The following XXYLT1 variants were observed in gnomAD, a reference collection of about 807,000 sequenced individuals.
The protein encoded by XXYLT1 is UDP-xylose:alpha-xyloside alpha-1,3-xylosyltransferase.
A neutral mutation model predicts 28.9 loss-of-function variants in XXYLT1; 20 were observed. That is an observed-to-expected ratio of 0.69 (90% CI 0.49 to 1.00). The LOEUF (loss-of-function observed/expected upper bound fraction) is 1.00. XXYLT1 is among the 50% of genes least tolerant of loss of function. XXYLT1 has a pLI of 0.00. For missense variants in XXYLT1, 542 were observed against 560.1 expected (o/e 0.97, Z 0.33); for synonymous variants, 257 against 253.8 (o/e 1.01, Z -0.12).
At chr3:195,230,544 C>CTTTGA (rs148413331) in intron 1 of XXYLT1, among the ~76,000 whole-genome samples, 9,415 of 151,948 alleles carry the variant, frequency 0.062, 988 homozygotes, top group African/African-American at 0.21. Context: ...CTTTAATCCA[C>CTTTGA]TTTGTTTTTT....
intron 1 of XXYLT1, among the ~76,000 whole-genome samples, chr3:195,260,292 A>G (rs1206714201): frequency 2.6e-5 from 4 of 151,572 alleles, no homozygotes; most frequent in Non-Finnish European, 4.4e-5. Flanking sequence ...AGGAGGGGCC[A>G]GCCCCGCCCA....
At chr3:195,208,313 C>G (rs1301443242) in intron 2 of XXYLT1, among the ~76,000 whole-genome samples, 1 of 152,110 alleles carries the variant, frequency 6.6e-6, no homozygotes, top group African/African-American at 2.4e-5. Context: ...TTCCCCTCCC[C>G]TCCTGTGCCT....
chr3:195,245,813 C>T (rs1052984725), intron 1 of XXYLT1, among the ~76,000 whole-genome samples: 1 of 152,146 alleles, frequency 6.6e-6, no homozygotes, highest in African/African-American at 2.4e-5. Context: ...GTGGCACCTC[C>T]ACCCGCCTCC....
At position 195,173,812 on chromosome 3, in the gene XXYLT1, G is replaced by A. The variant is rs924527121; in HGVS notation, c.653-17231C>T. Among the ~76,000 whole-genome samples, 4 of 152,192 alleles carry A rather than the reference G, an allele frequency of 2.6e-5. No individual in the cohort carries two copies. The East Asian group carries it at 7.7e-4, about 29-fold the overall frequency. On this transcript the variant is annotated intron_variant, in intron 2 of 3. Transcript: ENST00000310380. This position sits in a 1 kb window ranked among gnomAD's most constrained non-coding sequence, Gnocchi z 4.3. ...CAGGAGAGCACCCAGCTCCCACCAG[G>A]GAGTCCCTCCTATGGGCCATGAGTG...
At chr3:195,241,928 T>G (rs1724794065) in intron 1 of XXYLT1, among the ~76,000 whole-genome samples, 1 of 152,094 alleles carries the variant, frequency 6.6e-6, no homozygotes, top group Non-Finnish European at 1.5e-5. Context: ...TCACCAGACA[T>G]GTCATATTTT....
intron 3 of XXYLT1, among the ~76,000 whole-genome samples, chr3:195,089,993 T>A (rs991495922): frequency 6.0e-5 from 9 of 149,842 alleles, no homozygotes; most frequent in Non-Finnish European, 1.0e-4. Context: ...TAAATATATA[T>A]GCACCCAATA....
rs766480114 is a variant in XXYLT1, at chr3:195,173,180, G to A, written c.653-16599C>T. ...TCCCAACAGTGGAGATGCTCACCCT[G>A]AGAGATGTCATAGAGCTCTCCCACT... On this transcript the variant is annotated intron_variant, in intron 2 of 3. Transcript: ENST00000310380. The surrounding 1 kb of genome is among the most constrained non-coding windows in gnomAD (Gnocchi z 4.3). Among the ~76,000 whole-genome samples, 1 of 152,220 alleles carries A rather than the reference G, an allele frequency of 6.6e-6. No homozygotes were observed. The highest frequency in any genetic ancestry group is 2.4e-5 in the African/African-American group (1 of 41,454).
intron 2 of XXYLT1, among the ~76,000 whole-genome samples, chr3:195,207,225 T>C (rs1417928127): frequency 6.6e-6 from 1 of 152,120 alleles, no homozygotes; most frequent in Non-Finnish European, 1.5e-5. Flanking sequence ...CTAATCAGCA[T>C]ATGGTGTGCA....
chr3:195,239,778 G>A (rs1042049262), intron 1 of XXYLT1, among the ~76,000 whole-genome samples: 5 of 152,174 alleles, frequency 3.3e-5, no homozygotes, highest in Non-Finnish European at 7.4e-5. Context: ...CTCACCAGCT[G>A]TTTAGGATGT....
intron 3 of XXYLT1, among the ~76,000 whole-genome samples, chr3:195,103,443 A>G (rs62290289): frequency 0.21 from 9,526 of 44,558 alleles, 1,409 homozygotes; most frequent in Middle Eastern, 0.32. Context: ...ATCACCCCAC[A>G]CCAGCGGCCT....
chr3:195,252,715 C>CAGAGAGAGAG (rs1345883267), intron 1 of XXYLT1, among the ~76,000 whole-genome samples: 37 of 141,778 alleles, frequency 2.6e-4, no homozygotes, highest in African/African-American at 1.0e-3. Context: ...CACACACACA[C>CAGAGAGAGAG]ACACACACAC....
intron 3 of XXYLT1, among the ~76,000 whole-genome samples, chr3:195,120,290 C>CCG (rs1553805999): frequency 1.4e-5 from 2 of 143,188 alleles, no homozygotes; most frequent in African/African-American, 2.5e-5. Flanking sequence ...AGATGCCCCC[C>CCG]CCGCCCCAGC....
intron 2 of XXYLT1, among the ~76,000 whole-genome samples, chr3:195,220,887 C>T (rs1408690542): frequency 6.6e-6 from 1 of 152,166 alleles, no homozygotes; most frequent in African/African-American, 2.4e-5. Context: ...CATAGAGTGA[C>T]TTCCCTCCAA....
intron 3 of XXYLT1, among the ~76,000 whole-genome samples, chr3:195,144,632 T>A (rs1343090098): frequency 6.6e-6 from 1 of 152,136 alleles, no homozygotes; most frequent in Admixed American, 6.5e-5. Context: ...CGCCTCAGCC[T>A]CCCAAAGTGC....
chr3:195,255,632 C>T lies in XXYLT1; in HGVS notation c.504+14923G>A, dbSNP rs549769389. 1.3e-5 allele frequency among the ~76,000 whole-genome samples: 2 copies of T among 152,194 alleles called. No individual in the cohort carries two copies. The highest frequency in any genetic ancestry group is 2.9e-5 in the Non-Finnish European group (2 of 68,034). On this transcript the variant is annotated intron_variant, in intron 1 of 3. Coordinates refer to ENST00000310380, the MANE Select transcript of XXYLT1 (RefSeq NM_152531.5). This position sits in a 1 kb window ranked among gnomAD's most constrained non-coding sequence, Gnocchi z 4.5. The stretch of plus-strand genomic sequence containing the variant: ...AAACCGGCGCACAGAGCAAGCACAG[C>T]GTAGAACTGGCTTCCGAACACAAGG...
At position 195,151,645 on chromosome 3, in the gene XXYLT1, C is replaced by T. The variant is rs192767556; in HGVS notation, c.785+4804G>A. ...TAAACAATTATTTAGTATAAATAAA[C>T]GATTATTTATAAACAATAAACAATA... On this transcript the variant is annotated intron_variant, in intron 3 of 3. Transcript: ENST00000310380. Among the ~76,000 whole-genome samples the T allele has an allele frequency of 2.2e-3, 328 of 151,182 alleles. 5 individuals carry two copies. The highest frequency in any genetic ancestry group is 8.7e-4 in the Non-Finnish European group (59 of 67,636).
At chr3:195,169,614 G>C (rs1302713870) in intron 2 of XXYLT1, among the ~76,000 whole-genome samples, 2 of 152,230 alleles carry the variant, frequency 1.3e-5, no homozygotes, top group Admixed American at 1.3e-4. Flanking sequence ...TCTCAGCTTA[G>C]GATATTTTTT....
chr3:195,121,416 A>C (rs6784890), intron 3 of XXYLT1, among the ~76,000 whole-genome samples: 45,772 of 151,616 alleles, frequency 0.3, 8,279 homozygotes, highest in East Asian at 0.57. Context: ...TGCTCCTTTA[A>C]CTCCTTTTGG....
rs554943746 is a variant in XXYLT1, at chr3:195,195,158, C to A, written c.652+31551G>T. On this transcript the variant is annotated intron_variant, in intron 2 of 3. Coordinates refer to ENST00000310380, the MANE Select transcript of XXYLT1 (RefSeq NM_152531.5). The surrounding 1 kb of genome is among the most constrained non-coding windows in gnomAD (Gnocchi z 4.4). The stretch of plus-strand genomic sequence containing the variant: ...CAGCTGTTACTACAATGGTTGTTGA[C>A]GTTAAATGCTATGGAGGGCCACTGA... 6.6e-6 allele frequency among the ~76,000 whole-genome samples: 1 copy of A among 152,110 alleles called. No homozygotes were observed. The highest frequency in any genetic ancestry group is 2.4e-5 in the African/African-American group (1 of 41,490).
Sources: gnomAD v4.1 joint callset for allele counts (sites outside exome capture counted in the v4.1 genomes callset) on GRCh38, gnomAD v4.1.1 for gene constraint, Gnocchi (gnomAD v3.1) non-coding constraint, MANE v1.5 for transcripts, NCBI Gene and HGNC (gene_info 2026-07-23, HGNC 2026-07-21) for gene names.